The following ST3GAL3 variants were observed in gnomAD, a reference collection of about 807,000 sequenced individuals.
ST3GAL3 encodes CMP-N-acetylneuraminate-beta-1,4-galactoside alpha-2,3-sialyltransferase.
Under a neutral mutation model 50.1 loss-of-function variants are expected in ST3GAL3, and 21 were observed. That is an observed-to-expected ratio of 0.42 (90% CI 0.30 to 0.60). The LOEUF (loss-of-function observed/expected upper bound fraction) is 0.60. Ranked by LOEUF, ST3GAL3 falls within the 20% of genes least tolerant of loss-of-function variation. ST3GAL3 has a pLI of 0.19. For synonymous variants in ST3GAL3, 183 were observed against 190.0 expected (o/e 0.96, Z 0.30); for missense variants, 353 against 489.4 (o/e 0.72, Z 2.63).
At chr1:43,875,953 A>C (rs34960546) in intron 5 of ST3GAL3, among the ~76,000 whole-genome samples, 685 of 52,942 alleles carry the variant, frequency 0.013, 3 homozygotes, top group South Asian at 0.02. Context: ...TCTTCTTCTT[A>C]TTATTATTAT....
intron 5 of ST3GAL3, chr1:43,839,401 G>A (rs1202816629): frequency 6.6e-6 from 1 of 152,092 alleles, no homozygotes; most frequent in Non-Finnish European, 1.5e-5. Flanking sequence ...ACAGGTTTTT[G>A]CAAGCCTATA....
chr1:43,771,733 TG>T (rs1558230181), intron 2 of ST3GAL3, among the ~76,000 whole-genome samples: 32 of 26,586 alleles, frequency 1.2e-3, no homozygotes, highest in Admixed American at 1.7e-3. Flanking sequence ...AATAAAGTTG[TG>T]TGTGTGTGTG....
chr1:43,738,468 T>G (rs1163678746), intron 2 of ST3GAL3: 1 of 152,208 alleles, frequency 6.6e-6, no homozygotes, highest in East Asian at 1.9e-4. Context: ...CTGCATGGCT[T>G]ACTAAATCAG....
chr1:43,787,152 G>A (rs1188926593), intron 2 of ST3GAL3, among the ~76,000 whole-genome samples: 1 of 152,188 alleles, frequency 6.6e-6, no homozygotes, highest in Admixed American at 6.5e-5. Context: ...AAAGTCATGT[G>A]CAGCAAGGCT....
At chr1:43,918,529 C>G (rs1221980257) in intron 9 of ST3GAL3, among the ~76,000 whole-genome samples, 3 of 152,112 alleles carry the variant, frequency 2.0e-5, no homozygotes, top group Non-Finnish European at 4.4e-5. Context: ...CTCATTTGTT[C>G]CCATAACCTA....
chr1:43,743,594 T>A (rs1682056911), intron 2 of ST3GAL3: 3 of 357,928 alleles, frequency 8.4e-6, no homozygotes, highest in Admixed American at 6.2e-5. Flanking sequence ...GGTCTGTCAG[T>A]GAGGCAGATC....
intron 5 of ST3GAL3, among the ~76,000 whole-genome samples, chr1:43,876,866 T>C (rs2074211758): frequency 6.6e-6 from 1 of 152,216 alleles, no homozygotes; most frequent in Non-Finnish European, 1.5e-5. Context: ...ACCTATAATA[T>C]GCTAGGTGCT....
intron 4 of ST3GAL3, among the ~76,000 whole-genome samples, chr1:43,826,752 A>G (rs1236741569): frequency 6.6e-6 from 1 of 152,248 alleles, no homozygotes; most frequent in Non-Finnish European, 1.5e-5. Context: ...GTTGCTGCCA[A>G]GTGGGATTTA....
chr1:43,828,269 TA>T (rs758773097), intron 4 of ST3GAL3, among the ~76,000 whole-genome samples: 2 of 152,198 alleles, frequency 1.3e-5, no homozygotes, highest in Non-Finnish European at 2.9e-5. Context: ...CTAAATAGAC[TA>T]AATGCAAAAC....
At chr1:43,817,885 T>TCTCCTCCTC (rs1356775897) in intron 4 of ST3GAL3, among the ~76,000 whole-genome samples, 2 of 148,276 alleles carry the variant, frequency 1.3e-5, no homozygotes, top group African/African-American at 2.5e-5. Flanking sequence ...TCCTCCTCCT[T>TCTCCTCCTC]CTTTCTTCTT....
intron 3 of ST3GAL3, among the ~76,000 whole-genome samples, chr1:43,802,238 TATC>T (rs2059402887): frequency 6.6e-6 from 1 of 152,206 alleles, no homozygotes; most frequent in Admixed American, 6.5e-5. Context: ...AATACTCAGT[TATC>T]ATCAAAAACT....
chr1:43,709,354 A>G (rs1228878453), intron 1 of ST3GAL3: 2 of 152,170 alleles, frequency 1.3e-5, no homozygotes, highest in African/African-American at 4.8e-5. Flanking sequence ...ACTATCAGGA[A>G]TACAGTAACA....
At chr1:43,742,026 C>T (rs1681142858) in intron 2 of ST3GAL3, among the ~76,000 whole-genome samples, 1 of 152,074 alleles carries the variant, frequency 6.6e-6, no homozygotes. Flanking sequence ...TGGGGGCATT[C>T]CTGTGAGGCT....
intron 5 of ST3GAL3, among the ~76,000 whole-genome samples, chr1:43,883,632 C>T (rs920361041): frequency 2.6e-5 from 4 of 152,294 alleles, no homozygotes; most frequent in East Asian, 1.9e-4. Context: ...ACTTGCCTGC[C>T]CATTCTTCCT....
intron 11 of ST3GAL3, among the ~76,000 whole-genome samples, chr1:43,923,088 C>CA (rs961050700): frequency 2.6e-5 from 4 of 151,006 alleles, no homozygotes; most frequent in Admixed American, 6.6e-5. Flanking sequence ...GACTCCGTCT[C>CA]AAAAAAAAGA....
At chr1:43,826,858 C>T (rs1203215270) in intron 4 of ST3GAL3, among the ~76,000 whole-genome samples, 1 of 152,016 alleles carries the variant, frequency 6.6e-6, no homozygotes, top group Non-Finnish European at 1.5e-5. Context: ...TAATCATATC[C>T]ATAGATGTAA....
intron 4 of ST3GAL3, among the ~76,000 whole-genome samples, chr1:43,835,989 C>T (rs1558511750): frequency 6.6e-6 from 1 of 152,144 alleles, no homozygotes; most frequent in East Asian, 1.9e-4. Flanking sequence ...GTGGCAGTGC[C>T]CTGTTAAGAG....
At chr1:43,829,674 C>T (rs112904004) in intron 4 of ST3GAL3, among the ~76,000 whole-genome samples, 43 of 152,298 alleles carry the variant, frequency 2.8e-4, no homozygotes, top group Admixed American at 7.8e-4. Flanking sequence ...ATTGTATCCT[C>T]GGCTGAGAAT....
At chr1:43,914,713 CCT>C (rs2081501253) in intron 9 of ST3GAL3, 2 of 152,390 alleles carry the variant, frequency 1.3e-5, no homozygotes, top group Admixed American at 6.5e-5. Context: ...CCGAGCAGCC[CCT>C]GTGCTTTCTC....
Sources: gnomAD v4.1 joint callset for allele counts (sites outside exome capture counted in the v4.1 genomes callset) on GRCh38, gnomAD v4.1.1 for gene constraint, MANE v1.5 for transcripts, NCBI Gene and HGNC (gene_info 2026-07-23, HGNC 2026-07-21) for gene names.